FAM83A: variants seen among roughly 807,000 people sequenced by gnomAD.
FAM83A encodes the protein scaffolding CK1 anchoring protein A, also known as protein FAM83A.
In FAM83A, 21 loss-of-function variants were observed where a neutral mutation model predicts 24.4. The observed-to-expected ratio is 0.86, with a 90% CI of 0.61 to 1.24. The LOEUF is 1.24. FAM83A is among the 50% of genes most tolerant of loss of function. FAM83A has a pLI of 0.00. For synonymous variants in FAM83A, 270 were observed against 252.4 expected (o/e 1.07, Z -0.66); for missense variants, 617 against 579.8 (o/e 1.06, Z -0.66).
chr8:123,196,277 G>A (rs556498762), intron 3 of FAM83A, among the ~76,000 whole-genome samples: 1 of 152,348 alleles, frequency 6.6e-6, no homozygotes, highest in Non-Finnish European at 1.5e-5. Context: ...CCCCCAAAGT[G>A]CAGGGATTAC....
chr8:123,208,835 CG>C, exon 4 of FAM83A: 2 of 933,572 alleles, frequency 2.1e-6, no homozygotes, highest in Non-Finnish European at 2.6e-6. Context: ...GGTGAAACCC[CG>C]TCTCTACTAA....
intron 3 of FAM83A, among the ~76,000 whole-genome samples, chr8:123,197,315 C>T (rs1175144696): frequency 6.6e-6 from 1 of 152,234 alleles, no homozygotes; most frequent in African/African-American, 2.4e-5. Context: ...AAGTGCAGTT[C>T]ACACCTTCCT....
At chr8:123,194,041 T>G (rs1824062103) in exon 3 of FAM83A, 2 of 1,613,672 alleles carry the variant, frequency 1.2e-6, no homozygotes, top group East Asian at 4.5e-5. Flanking sequence ...CCATCCGGAG[T>G]GTGGAAGGAG....
chr8:123,206,837 C>G (rs1036743059), intron 3 of FAM83A, among the ~76,000 whole-genome samples: 9 of 152,124 alleles, frequency 5.9e-5, no homozygotes, highest in South Asian at 4.1e-4. Context: ...GTCCCTGCCC[C>G]GAGGGGACCC....
rs376690803 is a variant in FAM83A at position 123,209,209 on chromosome 8, G to A, written c.*1521G>A. Reference sequence around the variant, plus strand: ...TTTTTGGCGGGGAAGCTCAGCCTTCGCTGTGGAGGGACGAGAGCACAGAGC... The same window carrying A: ...TTTTTGGCGGGGAAGCTCAGCCTTCACTGTGGAGGGACGAGAGCACAGAGC... On this transcript the variant is annotated 3_prime_UTR_variant, in exon 4 of 4. Transcript: ENST00000690554. The surrounding 1 kb of genome is among the most constrained non-coding windows in gnomAD (Gnocchi z 4.7). 4.1e-5 allele frequency: 48 copies of A among 1,179,108 alleles called. No individual in the cohort carries two copies. Among genetic ancestry groups the A allele is most frequent in the Non-Finnish European group, 4.7e-5 (45 of 957,882 alleles). The allele number at this position is 1,179,108 out of a possible 1,614,324, so 73.0% of individuals were successfully genotyped here.
In FAM83A at chr8:123,191,933, T is replaced by A. The variant is rs757035932; in HGVS notation, c.611T>A (p.Met204Lys). 3.1e-6 allele frequency: 5 copies of A among 1,614,148 alleles called. No homozygotes were observed. The East Asian group carries it at 1.1e-4, about 36-fold the overall frequency. ...GGAGGTGTGAAGCTCTTCCAGGAGA[T>A]GTGTGACAAAGTCCAGATCTCTGAC... The change falls in exon 2 of 4, where the codon ATG (methionine) becomes AAG (lysine). Residue 204 changes from methionine (M) to lysine (K), a missense_variant. Transcript: ENST00000690554.
chr8:123,207,316 A>G (rs1824588595), exon 4 of FAM83A: 3 of 1,610,296 alleles, frequency 1.9e-6, no homozygotes, highest in Non-Finnish European at 2.5e-6. Context: ...TCCCGCCCGG[A>G]GCAGCCCCGG....
chr8:123,194,177 G>A (rs1207654146), intron 3 of FAM83A, 29 bp downstream of exon 3: 7 of 1,612,580 alleles, frequency 4.3e-6, no homozygotes, highest in South Asian at 1.1e-5. Context: ...TCCTGTCAAG[G>A]ATTCATGGAG....
upstream of FAM83A, chr8:123,182,395 G>A (rs538310730): frequency 1.5e-4 from 54 of 362,622 alleles, no homozygotes; most frequent in Non-Finnish European, 3.3e-5. Flanking sequence ...GAGGCACCCA[G>A]GAGGGGAGCA....
chr8:123,195,645 A>G (rs952892389), intron 3 of FAM83A, among the ~76,000 whole-genome samples: 4 of 152,184 alleles, frequency 2.6e-5, no homozygotes, highest in Admixed American at 2.0e-4. Context: ...TCCTAGGTCA[A>G]GGTGTGGGCA....
chr8:123,200,681 C>T (rs1183618990), intron 3 of FAM83A, among the ~76,000 whole-genome samples: 2 of 152,074 alleles, frequency 1.3e-5, no homozygotes, highest in Non-Finnish European at 1.5e-5. Context: ...AGGAGGGGCG[C>T]GATGGCTCAC....
intron 3 of FAM83A, among the ~76,000 whole-genome samples, chr8:123,199,167 A>C (rs998829399): frequency 2.6e-5 from 4 of 152,240 alleles, no homozygotes; most frequent in African/African-American, 4.8e-5. Context: ...GTAAAACAGC[A>C]AGTGTAAATA....
chr8:123,202,176 AC>A (rs1405821509), intron 3 of FAM83A: 2 of 152,470 alleles, frequency 1.3e-5, no homozygotes, highest in African/African-American at 4.8e-5. Flanking sequence ...GCTCCTAGGA[AC>A]AACAACAACA....
Position 123,209,560 on chromosome 8 carries a change from G to C in FAM83A, c.*1872G>C, listed in dbSNP as rs375233966. On this transcript the variant is annotated 3_prime_UTR_variant, in exon 4 of 4. Transcript: ENST00000690554. The surrounding 1 kb of genome is among the most constrained non-coding windows in gnomAD (Gnocchi z 4.7). ...AGATGAGGTTAGAATGACTGGGCCC[G>C]GCTGAACATTCCAAATTGGATTTCA... The C allele has an allele frequency of 1.2e-6, 2 of 1,613,596 alleles. No individual in the cohort carries two copies. Among genetic ancestry groups the C allele is most frequent in the East Asian group, 2.2e-5 (1 of 44,878 alleles).
chr8:123,191,993 TAAG>T, intron 2 of FAM83A, 23 bp downstream of exon 2: 1 of 1,612,718 alleles, frequency 6.2e-7, no homozygotes, highest in Non-Finnish European at 8.5e-7. Flanking sequence ...ATGAGAGTCC[TAAG>T]GGTACTCATA....
chr8:123,207,983 C>G, exon 4 of FAM83A: 1 of 1,195,590 alleles, frequency 8.4e-7, no homozygotes, highest in Non-Finnish European at 1.0e-6. Flanking sequence ...CAGAGATCAT[C>G]CGGGGCTTTA....
intron 3 of FAM83A, among the ~76,000 whole-genome samples, chr8:123,196,412 A>G (rs568082671): frequency 9.9e-5 from 15 of 152,148 alleles, no homozygotes; most frequent in Non-Finnish European, 1.9e-4. Context: ...TTTATTTCTA[A>G]TATTTACATT....
intron 3 of FAM83A, among the ~76,000 whole-genome samples, chr8:123,200,432 G>A (rs1229330552): frequency 2.0e-5 from 3 of 152,190 alleles, no homozygotes; most frequent in Non-Finnish European, 4.4e-5. Context: ...AGTCCATCAC[G>A]CAGCTGGGGG....
intron 3 of FAM83A, among the ~76,000 whole-genome samples, chr8:123,204,630 C>T (rs557240253): frequency 5.1e-4 from 77 of 151,720 alleles, no homozygotes; most frequent in African/African-American, 1.7e-3. Flanking sequence ...GGCATGGTGG[C>T]GGGCGCCTGT....
Sources: gnomAD v4.1 joint callset for allele counts (sites outside exome capture counted in the v4.1 genomes callset) on GRCh38, gnomAD v4.1.1 for gene constraint, Gnocchi (gnomAD v3.1) non-coding constraint, MANE v1.5 for transcripts, NCBI Gene and HGNC (gene_info 2026-07-23, HGNC 2026-07-21) for gene names.